SYT3: variants seen among roughly 807,000 people sequenced by gnomAD.
SYT3 encodes synaptotagmin-3.
In SYT3, 25 loss-of-function variants were observed where a neutral mutation model predicts 50.6. The observed-to-expected ratio is 0.49, with a 90% CI of 0.36 to 0.69. The LOEUF (loss-of-function observed/expected upper bound fraction) is 0.69, where lower values mean the gene tolerates loss of function less well. Ranked by LOEUF, SYT3 falls within the 30% of genes least tolerant of loss-of-function variation. The probability of loss-of-function intolerance (pLI) is 0.00; values close to 1 mark genes in which losing one functional copy is unlikely to be tolerated. For synonymous variants in SYT3, 323 were observed against 353.9 expected (o/e 0.91, Z 0.98); for missense variants, 589 against 793.6 (o/e 0.74, Z 3.10).
At chr19:50,656,272 C>G in the SYT3 span, 1 of 1,536,144 alleles carries the variant, frequency 6.5e-7, no homozygotes, top group Non-Finnish European at 8.7e-7. Context: ...GGCACTGGAC[C>G]GAGAACTCCC....
the SYT3 span, among the ~76,000 whole-genome samples, chr19:50,655,464 C>A: frequency 1.3e-5 from 2 of 152,080 alleles, no homozygotes. Flanking sequence ...TCCTGGCTAA[C>A]ACAGTGAAAC....
rs1378317843 is a variant in SYT3, at chr19:50,637,458, G to C, written c.-15-32C>G. The C allele has an allele frequency of 6.4e-7, 1 of 1,562,318 alleles. No homozygotes were observed. The highest frequency in any genetic ancestry group is 8.7e-7 in the Non-Finnish European group (1 of 1,149,298). On this transcript the variant is annotated intron_variant, in intron 2 of 10. Transcript: ENST00000600079. The surrounding 1 kb of genome is among the most constrained non-coding windows in gnomAD (Gnocchi z 4.9). ...GTGGGAGGGATGGGGCAAGGGTGCA[G>C]ATGGGAAACAGAATGGGAGTGCAGG...
In SYT3 at chr19:50,632,592, C is replaced by T; in HGVS notation, c.368G>A (p.Gly123Asp). The T allele has an allele frequency of 6.3e-7, 1 of 1,578,376 alleles. No individual in the cohort carries two copies. The highest frequency in any genetic ancestry group is 8.6e-7 in the Non-Finnish European group (1 of 1,162,408). Reference sequence around the variant, plus strand: ...GTGTGGGCCGCCCAGCAGAGGATGGCCACCCAGGCCAGCCGCCAGGTGGTG... The same window carrying T: ...GTGTGGGCCGCCCAGCAGAGGATGGTCACCCAGGCCAGCCGCCAGGTGGTG... The part of the protein sequence containing the change: ...GGHHLAAGLG[G>D]HPLLGGPHHH... The change falls in exon 4 of 11, where the codon GGC (glycine) becomes GAC (aspartate). Residue 123 changes from glycine (G) to aspartate (D), a missense_variant. Physicochemically the swap from Gly to Asp is moderately conservative, Grantham distance 94 (BLOSUM62 -1). Coordinates refer to ENST00000600079, the MANE Select transcript of SYT3 (RefSeq NM_001160329.2). The surrounding 1 kb of genome is among the most constrained non-coding windows in gnomAD (Gnocchi z 4.7).
upstream of SYT3, among the ~76,000 whole-genome samples, chr19:50,640,841 G>A (rs1410830222): frequency 1.3e-5 from 2 of 152,242 alleles, no homozygotes; most frequent in Non-Finnish European, 2.9e-5. Flanking sequence ...GGTTGGACAA[G>A]CTTGATCTAG....
rs1983985865 is a variant in SYT3, at chr19:50,624,888, G to GCAGCGACCACCTACAGAACGTTTAA, written c.1707+249_1707+273dup. ...CAACTTAGCCTCATGGGTAACAACA[G>GCAGCGACCACCTACAGAACGTTTAA]CAGCGACCACCTACAGAACGTTTAA... On this transcript the variant is annotated intron_variant, in intron 9 of 10. Coordinates refer to ENST00000600079, the MANE Select transcript of SYT3 (RefSeq NM_001160329.2). 8.5e-6 allele frequency: 3 copies of GCAGCGACCACCTACAGAACGTTTAA among 352,240 alleles called. No individual in the cohort carries two copies. The South Asian group carries it at 4.4e-4, about 52-fold the overall frequency. 21.8% of individuals were successfully genotyped at this position (352,240 alleles called of 1,614,324 possible). A position where few individuals can be genotyped will look rare whatever the true frequency, so the allele number is the denominator to read the frequency against.
At chr19:50,623,994 G>A (rs1983951175) in intron 9 of SYT3, among the ~76,000 whole-genome samples, 1 of 149,084 alleles carries the variant, frequency 6.7e-6, no homozygotes. Context: ...AGGGGTTCCT[G>A]CTCCATTGCC....
chr19:50,656,855 G>A, the SYT3 span, among the ~76,000 whole-genome samples: 4 of 151,974 alleles, frequency 2.6e-5, no homozygotes, highest in African/African-American at 9.7e-5. Flanking sequence ...GGGAGGCTGA[G>A]GCAGGAGAAT....
the SYT3 span, among the ~76,000 whole-genome samples, chr19:50,653,954 G>A: frequency 6.6e-6 from 1 of 152,090 alleles, no homozygotes; most frequent in Non-Finnish European, 1.5e-5. Context: ...GCAGCCGTCG[G>A]CTCTGAGCTG....
chr19:50,642,862 A>G (rs1290270550), upstream of SYT3, among the ~76,000 whole-genome samples: 1 of 152,140 alleles, frequency 6.6e-6, no homozygotes, highest in Non-Finnish European at 1.5e-5. Flanking sequence ...AAAAAATCAT[A>G]TTGTATCTCA....
the SYT3 span, among the ~76,000 whole-genome samples, chr19:50,646,839 T>C: frequency 6.6e-6 from 1 of 151,980 alleles, no homozygotes; most frequent in South Asian, 2.1e-4. Context: ...ATTTATTTAT[T>C]ATTTTGTTTG....
At chr19:50,656,578 A>AG in the SYT3 span, among the ~76,000 whole-genome samples, 1 of 152,122 alleles carries the variant, frequency 6.6e-6, no homozygotes, top group Non-Finnish European at 1.5e-5. Context: ...GGGGAGGCTG[A>AG]GGGGGGCAGG....
At chr19:50,627,669 G>A (rs1469190191) in intron 6 of SYT3, among the ~76,000 whole-genome samples, 3 of 149,130 alleles carry the variant, frequency 2.0e-5, no homozygotes, top group African/African-American at 7.5e-5. Context: ...GGAGGTTGCA[G>A]TGAGCTGAGA....
the SYT3 span, chr19:50,649,432 C>T: frequency 6.5e-7 from 1 of 1,536,022 alleles, no homozygotes; most frequent in African/African-American, 1.4e-5. Flanking sequence ...CATCCCTCAC[C>T]CACCTTCCCA....
chr19:50,654,189 C>A, the SYT3 span, among the ~76,000 whole-genome samples: 1 of 152,086 alleles, frequency 6.6e-6, no homozygotes, highest in Non-Finnish European at 1.5e-5. Flanking sequence ...AACAAAGACA[C>A]CCCAAAACAC....
Position 50,632,287 on chromosome 19 carries a change from T to C in SYT3, c.673A>G (p.Arg225Gly), listed in dbSNP as rs1984335184. ...CCCCAACCCAGTATCCTCTCTCACC[T>C]GGTAGTGGGTGCCAGGCTTGTGACC... ...QQVTSLAPTT[R>G]YPALPRPLTQ... The change falls in exon 4 of 11, where the codon AGG becomes GGG. Residue 225 changes from arginine to glycine, a missense_variant and splice_region_variant. Arg to Gly is a moderately radical substitution (Grantham distance 125). Transcript: ENST00000600079. The surrounding 1 kb of genome is among the most constrained non-coding windows in gnomAD (Gnocchi z 4.7). The C allele has an allele frequency of 5.1e-6, 8 of 1,563,954 alleles. No individual in the cohort carries two copies. The highest frequency in any genetic ancestry group is 5.2e-6 in the Non-Finnish European group (6 of 1,149,004).
the SYT3 span, among the ~76,000 whole-genome samples, chr19:50,646,893 C>T: frequency 2.0e-5 from 3 of 152,104 alleles, no homozygotes; most frequent in South Asian, 2.1e-4. Flanking sequence ...TGCAGTGGCG[C>T]GATCTCGGCT....
intron 9 of SYT3, among the ~76,000 whole-genome samples, chr19:50,624,159 CT>C (rs954203391): frequency 1.3e-5 from 2 of 152,068 alleles, no homozygotes; most frequent in African/African-American, 4.8e-5. Context: ...GAGACAGGCT[CT>C]CCCCATGTTG....
intron 9 of SYT3, 30 bp from the exon 10 acceptor site, chr19:50,622,785 G>T (rs754772190): frequency 4.4e-5 from 33 of 755,666 alleles, no homozygotes; most frequent in Non-Finnish European, 7.4e-5. Context: ...AGGTTCGGGA[G>T]TGAGAGACAG....
At chr19:50,643,442 C>CA (rs1333710976), upstream of SYT3, among the ~76,000 whole-genome samples, 1 of 151,598 alleles carries the variant, frequency 6.6e-6, no homozygotes, top group Non-Finnish European at 1.5e-5. Flanking sequence ...GCCTGGATGT[C>CA]AGAGTGAGAC....
Sources: allele counts gnomAD v4.1 joint callset (sites outside exome capture counted in the v4.1 genomes callset), GRCh38; gene constraint gnomAD v4.1.1; non-coding constraint Gnocchi (gnomAD v3.1); transcripts MANE v1.5; gene names NCBI Gene and HGNC (gene_info 2026-07-23, HGNC 2026-07-21).